BNIP3L: variants seen among roughly 807,000 people sequenced by gnomAD.
The protein encoded by BNIP3L is BCL2/adenovirus E1B 19 kDa protein-interacting protein 3-like.
A neutral mutation model predicts 25.5 loss-of-function variants in BNIP3L; 10 were observed. That is an observed-to-expected ratio of 0.39 (90% CI 0.24 to 0.67). The LOEUF is 0.67. Ranked by LOEUF, BNIP3L falls within the 30% of genes least tolerant of loss-of-function variation. The pLI is 0.45. For missense variants in BNIP3L, 215 were observed against 270.9 expected, an observed-to-expected ratio of 0.79 and a Z score of 1.45; for synonymous variants, 113 against 101.2, an observed-to-expected ratio of 1.12 and a Z score of -0.70.
intron 3 of BNIP3L, among the ~76,000 whole-genome samples, chr8:26,402,150 A>C (rs1806398454): frequency 6.6e-6 from 1 of 152,136 alleles, no homozygotes; most frequent in South Asian, 2.1e-4. Context: ...ATTCCTCTAT[A>C]CTTTACTATG....
chr8:26,387,093 T>C (rs1806008262), intron 1 of BNIP3L, among the ~76,000 whole-genome samples: 1 of 152,146 alleles, frequency 6.6e-6, no homozygotes, highest in Admixed American at 6.6e-5. Context: ...CTCTTCATTC[T>C]CTCCTCCCCT....
intron 1 of BNIP3L, among the ~76,000 whole-genome samples, chr8:26,385,966 A>G (rs536223680): frequency 6.6e-6 from 1 of 152,202 alleles, no homozygotes; most frequent in East Asian, 1.9e-4. Context: ...TTTTTGGGCA[A>G]TGGGCAAAAC....
intron 2 of BNIP3L, among the ~76,000 whole-genome samples, chr8:26,395,015 G>A (rs867275426): frequency 6.6e-6 from 1 of 152,166 alleles, no homozygotes; most frequent in Non-Finnish European, 1.5e-5. Context: ...CATTACTACT[G>A]AAAAAGTGCA....
At chr8:26,409,020 A>G (rs1233428895) in intron 5 of BNIP3L, among the ~76,000 whole-genome samples, 1 of 151,852 alleles carries the variant, frequency 6.6e-6, no homozygotes, top group East Asian at 1.9e-4. Flanking sequence ...AATCTTTAGC[A>G]TGTACATTTT....
intron 1 of BNIP3L, among the ~76,000 whole-genome samples, chr8:26,387,746 CTTAA>C (rs936167816): frequency 2.6e-5 from 4 of 151,516 alleles, no homozygotes; most frequent in African/African-American, 4.9e-5. Flanking sequence ...GAGAATTACC[CTTAA>C]TTAATTAAAG....
intron 3 of BNIP3L, among the ~76,000 whole-genome samples, chr8:26,404,012 T>G (rs1806447450): frequency 6.6e-6 from 1 of 152,250 alleles, no homozygotes; most frequent in African/African-American, 2.4e-5. Flanking sequence ...CTGAACTAAG[T>G]AAATGAATTC....
chr8:26,386,984 A>G (rs1465914212), intron 1 of BNIP3L, among the ~76,000 whole-genome samples: 2 of 152,182 alleles, frequency 1.3e-5, no homozygotes, highest in Non-Finnish European at 2.9e-5. Context: ...CCTTTCAATA[A>G]TGAATGAAAA....
intron 3 of BNIP3L, among the ~76,000 whole-genome samples, chr8:26,406,515 G>A (rs895782383): frequency 1.3e-5 from 2 of 152,064 alleles, no homozygotes; most frequent in Non-Finnish European, 2.9e-5. Flanking sequence ...GTTATTTGTT[G>A]CAAGGTGAAA....
intron 1 of BNIP3L, among the ~76,000 whole-genome samples, chr8:26,386,896 T>C (rs1413100029): frequency 6.6e-6 from 1 of 152,206 alleles, no homozygotes; most frequent in Non-Finnish European, 1.5e-5. Flanking sequence ...ATTTATTTAT[T>C]TTTTTATTTA....
intron 3 of BNIP3L, among the ~76,000 whole-genome samples, chr8:26,403,591 G>A (rs1382104637): frequency 6.7e-6 from 1 of 150,162 alleles, no homozygotes; most frequent in Non-Finnish European, 1.5e-5. Context: ...AGGCTGGAGT[G>A]TAGTGGTGCA....
chr8:26,391,206 G>A, intron 1 of BNIP3L, 37 bp from the exon 2 acceptor site: 2 of 1,535,610 alleles, frequency 1.3e-6, no homozygotes, highest in African/African-American at 1.4e-5. Flanking sequence ...ACAGATTTCA[G>A]TTCTGCTGTG....
chr8:26,410,566 T>C lies in BNIP3L; in HGVS notation c.*154T>C. 1 of 889,674 alleles carries C rather than the reference T, an allele frequency of 1.1e-6. No individual in the cohort carries two copies. Among genetic ancestry groups the C allele is most frequent in the Non-Finnish European group, 1.8e-6 (1 of 561,306 alleles). 55.1% of individuals were successfully genotyped at this position (889,674 alleles called of 1,614,324 possible). A position where few individuals can be genotyped will look rare whatever the true frequency, so the allele number is the denominator to read the frequency against. ...AGTAACTCTCAAATTCAATATTTTA[T>C]TCAAACTCTGTTGAGGCATTTTACT... On this transcript the variant is annotated 3_prime_UTR_variant, in exon 6 of 6. Transcript: ENST00000380629.
At chr8:26,383,676 G>A (rs969693750) in intron 1 of BNIP3L, among the ~76,000 whole-genome samples, 1 of 150,490 alleles carries the variant, frequency 6.6e-6, no homozygotes, top group African/African-American at 2.4e-5. Flanking sequence ...CGGCTGCCGC[G>A]GGACGTGTCG....
chr8:26,392,341 A>C (rs1806132856), intron 2 of BNIP3L, among the ~76,000 whole-genome samples: 1 of 152,220 alleles, frequency 6.6e-6, no homozygotes, highest in African/African-American at 2.4e-5. Context: ...CAGATTAAGG[A>C]AATGTAAACA....
At chr8:26,395,467 C>T (rs1487987218) in intron 3 of BNIP3L, 165 bp downstream of exon 3, 1 of 666,760 alleles carries the variant, frequency 1.5e-6, no homozygotes, top group African/African-American at 1.8e-5. Context: ...TTGTCGCACT[C>T]CTTTACAACT....
intron 3 of BNIP3L, among the ~76,000 whole-genome samples, chr8:26,405,044 G>A (rs924607574): frequency 6.6e-6 from 1 of 152,132 alleles, no homozygotes. Context: ...GGAAACTTAT[G>A]GAGTTCTTTT....
In BNIP3L at chr8:26,383,087, G is replaced by A; in HGVS notation, c.-44G>A. Reference sequence around the variant, plus strand: ...CTTGTTGTGTTGCTGCCTGAGTGCCGGAGACGGTCCTGCTGCTGCCGCAGT... The same window carrying A: ...CTTGTTGTGTTGCTGCCTGAGTGCCAGAGACGGTCCTGCTGCTGCCGCAGT... On this transcript the variant is annotated 5_prime_UTR_variant, in exon 1 of 6. Coordinates refer to ENST00000380629, the MANE Select transcript of BNIP3L (RefSeq NM_004331.3). 3 of 1,519,118 alleles carry A rather than the reference G, an allele frequency of 2.0e-6. No homozygotes were observed. Among genetic ancestry groups the A allele is most frequent in the Non-Finnish European group, 2.7e-6 (3 of 1,118,604 alleles). 94.1% of individuals were successfully genotyped at this position (1,519,118 alleles called of 1,614,324 possible).
intron 1 of BNIP3L, among the ~76,000 whole-genome samples, chr8:26,386,871 A>C (rs1806004039): frequency 6.6e-6 from 1 of 152,136 alleles, no homozygotes. Flanking sequence ...AAAAAGACCA[A>C]CTTTTCAAAA....
intron 1 of BNIP3L, among the ~76,000 whole-genome samples, chr8:26,384,501 C>T (rs1805941833): frequency 6.6e-6 from 1 of 152,110 alleles, no homozygotes; most frequent in Non-Finnish European, 1.5e-5. Context: ...AGTCTTTAAA[C>T]GTTACTTGTA....
Sources: gnomAD v4.1 joint callset for allele counts (sites outside exome capture counted in the v4.1 genomes callset) on GRCh38, gnomAD v4.1.1 for gene constraint, MANE v1.5 for transcripts, NCBI Gene and HGNC (gene_info 2026-07-23, HGNC 2026-07-21) for gene names.